Variants in GNAQ observed in about 807,000 individuals in gnomAD.
GNAQ encodes guanine nucleotide-binding protein G(q) subunit alpha.
In GNAQ, 8 loss-of-function variants were observed where a neutral mutation model predicts 43.9. The ratio of observed to expected loss-of-function variants is 0.18; its 90% CI spans 0.11 to 0.33. GNAQ has a LOEUF of 0.33. Ranked by LOEUF, GNAQ falls within the 10% of genes least tolerant of loss-of-function variation. The pLI is 1.00. For synonymous variants in GNAQ, 155 were observed against 170.7 expected, an observed-to-expected ratio of 0.91 and a Z score of 0.71; for missense variants, 158 against 450.8, an observed-to-expected ratio of 0.35 and a Z score of 5.88.
chr9:77,764,023 A>G (rs1826095283), intron 5 of GNAQ, among the ~76,000 whole-genome samples: 1 of 152,198 alleles, frequency 6.6e-6, no homozygotes, highest in Non-Finnish European at 1.5e-5. Flanking sequence ...AGTTGCAAAA[A>G]GTTTCAAAGC....
chr9:77,793,372 C>T (rs531720441), intron 5 of GNAQ, among the ~76,000 whole-genome samples: 6 of 152,106 alleles, frequency 3.9e-5, no homozygotes, highest in South Asian at 2.1e-4. Flanking sequence ...AGGTGACTCT[C>T]GGTTCTATAT....
At chr9:78,010,751 C>A (rs1823764023) in intron 1 of GNAQ, among the ~76,000 whole-genome samples, 1 of 151,606 alleles carries the variant, frequency 6.6e-6, no homozygotes, top group African/African-American at 2.4e-5. Context: ...AGAAGTAATA[C>A]AAATGGACCA....
At chr9:77,902,558 A>G (rs1268342140) in intron 2 of GNAQ, among the ~76,000 whole-genome samples, 2 of 152,244 alleles carry the variant, frequency 1.3e-5, no homozygotes, top group Non-Finnish European at 2.9e-5. Context: ...AAATACTAAA[A>G]AGGAAAACAA....
At chr9:77,804,475 C>T (rs1470262476) in intron 3 of GNAQ, among the ~76,000 whole-genome samples, 2 of 152,122 alleles carry the variant, frequency 1.3e-5, no homozygotes, top group African/African-American at 4.8e-5. Flanking sequence ...CAGGGTGTAA[C>T]CACTGCACTC....
chr9:77,872,987 A>AT (rs1489949395), intron 2 of GNAQ, among the ~76,000 whole-genome samples: 2 of 152,236 alleles, frequency 1.3e-5, no homozygotes, highest in Non-Finnish European at 2.9e-5. Context: ...GGTCATGAGA[A>AT]TGTTCCCACA....
intron 1 of GNAQ, among the ~76,000 whole-genome samples, chr9:78,007,154 C>T (rs1823717308): frequency 6.6e-6 from 1 of 152,052 alleles, no homozygotes; most frequent in South Asian, 2.1e-4. Context: ...CTAACGTATT[C>T]ATTACACAAG....
chr9:77,833,678 A>T (rs191107127), intron 2 of GNAQ, among the ~76,000 whole-genome samples: 69 of 152,380 alleles, frequency 4.5e-4, no homozygotes, highest in African/African-American at 1.6e-3. Context: ...TGCATATGAT[A>T]TAAGAGTGGC....
intron 2 of GNAQ, among the ~76,000 whole-genome samples, chr9:77,828,905 C>A (rs1473336301): frequency 2.0e-5 from 3 of 152,166 alleles, no homozygotes; most frequent in Non-Finnish European, 4.4e-5. Flanking sequence ...TATGATTACA[C>A]ATTCAAACAT....
intron 2 of GNAQ, among the ~76,000 whole-genome samples, chr9:77,903,525 C>T (rs573581259): frequency 6.6e-6 from 1 of 152,248 alleles, no homozygotes; most frequent in Admixed American, 6.5e-5. Context: ...TAAGGGTGAG[C>T]TCTCACTAAA....
intron 1 of GNAQ, among the ~76,000 whole-genome samples, chr9:77,941,905 C>CAT (rs1403926402): frequency 1.9e-5 from 2 of 104,396 alleles, no homozygotes; most frequent in African/African-American, 7.4e-5. Flanking sequence ...ATACAACATA[C>CAT]ATACACACAC....
At chr9:77,946,624 A>G (rs1238695542) in intron 1 of GNAQ, among the ~76,000 whole-genome samples, 7 of 152,318 alleles carry the variant, frequency 4.6e-5, no homozygotes, top group South Asian at 2.1e-4. Context: ...GCAATGCAGA[A>G]TAAGACAAAA....
chr9:77,843,672 G>A (rs1254197908), intron 2 of GNAQ, among the ~76,000 whole-genome samples: 1 of 152,178 alleles, frequency 6.6e-6, no homozygotes, highest in Non-Finnish European at 1.5e-5. Context: ...ATTGGCTTTC[G>A]AGGTGGAAGT....
chr9:77,880,715 T>C (rs757239059), intron 2 of GNAQ, among the ~76,000 whole-genome samples: 2 of 152,224 alleles, frequency 1.3e-5, no homozygotes, highest in African/African-American at 2.4e-5. Flanking sequence ...GCCTTCATCA[T>C]GAAGTATGTT....
At position 77,955,673 on chromosome 9, in the gene GNAQ, C is replaced by A. The variant is rs567756907; in HGVS notation, c.137-33328G>T. 2.6e-5 allele frequency among the ~76,000 whole-genome samples: 4 copies of A among 152,232 alleles called. No homozygotes were observed. In the East Asian group the frequency reaches 5.8e-4, roughly 22 times the overall value. On this transcript the variant is annotated intron_variant, in intron 1 of 6. Transcript: ENST00000286548. ...AGATCAAAATAGGTATTTAATTTGC[C>A]TACTTGAAATCACTTAGTAGATTAA...
chr9:77,825,182 T>C (rs1040575211), intron 2 of GNAQ, among the ~76,000 whole-genome samples: 7 of 152,178 alleles, frequency 4.6e-5, no homozygotes, highest in African/African-American at 1.7e-4. Context: ...GTACTTAATT[T>C]TTTGTTAAAC....
At chr9:77,837,953 G>A (rs1274192709) in intron 2 of GNAQ, among the ~76,000 whole-genome samples, 1 of 148,926 alleles carries the variant, frequency 6.7e-6, no homozygotes, top group Non-Finnish European at 1.5e-5. Context: ...TGCCTCCCAA[G>A]TTCAAGTGAT....
chr9:77,895,905 C>T (rs1828493868), intron 2 of GNAQ, among the ~76,000 whole-genome samples: 1 of 152,146 alleles, frequency 6.6e-6, no homozygotes, highest in South Asian at 2.1e-4. Flanking sequence ...TTTGCTTCTC[C>T]TTGCCTTCCG....
intron 5 of GNAQ, among the ~76,000 whole-genome samples, chr9:77,769,743 C>A (rs1264682170): frequency 6.7e-6 from 1 of 149,774 alleles, no homozygotes; most frequent in Non-Finnish European, 1.5e-5. Context: ...CCGCTCACTG[C>A]AAGCTCTGCC....
intron 2 of GNAQ, among the ~76,000 whole-genome samples, chr9:77,845,153 AAAAC>A (rs1827563630): frequency 6.6e-6 from 1 of 152,190 alleles, no homozygotes; most frequent in Non-Finnish European, 1.5e-5. Context: ...GGAGATTTTA[AAAAC>A]AAACCATTTT....
Sources: gnomAD v4.1 joint callset for allele counts (sites outside exome capture counted in the v4.1 genomes callset) on GRCh38, gnomAD v4.1.1 for gene constraint, MANE v1.5 for transcripts, NCBI Gene and HGNC (gene_info 2026-07-23, HGNC 2026-07-21) for gene names.